The following IL4I1 variants were observed in gnomAD, a reference collection of about 807,000 sequenced individuals.
IL4I1 encodes the protein L-amino-acid oxidase.
Under a neutral mutation model 29.7 loss-of-function variants are expected in IL4I1, and 24 were observed. That is an observed-to-expected ratio of 0.81 (90% CI 0.59 to 1.14). The LOEUF (loss-of-function observed/expected upper bound fraction) is 1.14. Ranked by LOEUF, IL4I1 falls within the 50% of genes most tolerant of loss-of-function variation. IL4I1 has a pLI of 0.00. For missense variants in IL4I1, 686 were observed against 785.6 expected (o/e 0.87, Z 1.52); for synonymous variants, 371 against 352.5 (o/e 1.05, Z -0.59).
intron 2 of IL4I1, among the ~76,000 whole-genome samples, chr19:49,915,594 C>T (rs930776042): frequency 3.3e-5 from 5 of 152,176 alleles, no homozygotes; most frequent in Non-Finnish European, 1.5e-5. Flanking sequence ...CCACTAGAAA[C>T]CAATGGCGGT....
intron 2 of IL4I1, chr19:49,911,459 C>T (rs898618333): frequency 3.3e-5 from 5 of 151,996 alleles, no homozygotes; most frequent in African/African-American, 1.2e-4. Context: ...TTTCCTCTTC[C>T]CTCTCTCCAG....
chr19:49,889,793 C>T lies in IL4I1; in HGVS notation c.1581G>A (p.Gln527=), dbSNP rs769680466. 6.5e-6 allele frequency: 10 copies of T among 1,541,282 alleles called. No individual in the cohort carries two copies. Among genetic ancestry groups the T allele is most frequent in the South Asian group, 6.2e-5 (5 of 80,376 alleles). Residue 527 remains glutamine (Q), a synonymous_variant, in exon 8 of 8, where the codon CAG becomes CAA. Coordinates refer to ENST00000391826, the MANE Select transcript of IL4I1 (RefSeq NM_152899.2). ...TGCTGGCCACCCCATGCACATGCCCCTGCCCCTCCATGTCAGATGCGTGCC... is the reference window on the plus strand; with the variant it reads ...TGCTGGCCACCCCATGCACATGCCCTTGCCCCTCCATGTCAGATGCGTGCC... ...PEGHASDMEG[Q]GHVHGVASSP...
chr19:49,914,608 C>T (rs2075570248), intron 2 of IL4I1, among the ~76,000 whole-genome samples: 1 of 151,892 alleles, frequency 6.6e-6, no homozygotes, highest in Admixed American at 6.6e-5. Flanking sequence ...CATCTGAATT[C>T]AGGTGGGCAT....
At chr19:49,894,243 G>T (rs570022421) in intron 5 of IL4I1, 25 bp downstream of exon 5, 1 of 1,604,170 alleles carries the variant, frequency 6.2e-7, no homozygotes, top group Admixed American at 1.7e-5. Context: ...AGTCAGGGCG[G>T]GAGGAGGGTG....
intron 2 of IL4I1, among the ~76,000 whole-genome samples, chr19:49,923,862 G>A (rs898632291): frequency 4.6e-5 from 7 of 152,204 alleles, no homozygotes; most frequent in African/African-American, 7.2e-5. Context: ...CCCACGCTGC[G>A]GAAGGCAGCC....
chr19:49,895,813 A>G lies in IL4I1; in HGVS notation c.252+2T>C, dbSNP rs1489292738. The G allele has an allele frequency of 3.1e-6, 5 of 1,598,978 alleles. No homozygotes were observed. In the African/African-American group the frequency reaches 6.7e-5, roughly 22 times the overall value. On this transcript the variant is annotated splice_donor_variant, in intron 3 of 7. Transcript: ENST00000391826. LOFTEE classifies it high-confidence loss of function. ...AGGTAGACTGCAAGCAGTGCTTCCC[A>G]CCTTGTGTCCAGCATCGCTGAGCAC...
intron 2 of IL4I1, chr19:49,908,916 C>G: frequency 6.2e-7 from 1 of 1,607,702 alleles, no homozygotes; most frequent in Non-Finnish European, 8.5e-7. Context: ...CCGGCTGGCG[C>G]CAGTGGTTTT....
At chr19:49,907,335 A>T (rs2075343961) in intron 2 of IL4I1, 2 of 316,912 alleles carry the variant, frequency 6.3e-6, no homozygotes, top group Non-Finnish European at 1.2e-5. Flanking sequence ...TGGGCCAGGC[A>T]AAAGGCAGGC....
At chr19:49,909,085 G>T (rs1193356009) in intron 2 of IL4I1, 3 of 1,612,494 alleles carry the variant, frequency 1.9e-6, no homozygotes, top group Non-Finnish European at 2.5e-6. Context: ...TGGTCACAGG[G>T]GTACAGAGGG....
Position 49,895,126 on chromosome 19 carries a change from C to T in IL4I1, c.307G>A (p.Asp103Asn). Reference protein sequence around the residue: ...RIGGRIFTYRDQNTGWIGELG... With the variant: ...RIGGRIFTYRNQNTGWIGELG... The stretch of plus-strand genomic sequence containing the variant: ...TCCCCAATCCAGCCCGTGTTCTGGT[C>T]CCGGTAGGTGAAGATGCGGCCCCCG... The change falls in exon 4 of 8, where the codon GAC becomes AAC. Residue 103 changes from aspartate (D) to asparagine (N), a missense_variant. By Grantham distance (23) the Asp-to-Asn change is conservative. Transcript: ENST00000391826. 1 of 1,613,852 alleles carries T rather than the reference C, an allele frequency of 6.2e-7. No individual in the cohort carries two copies. The highest frequency in any genetic ancestry group is 8.5e-7 in the Non-Finnish European group (1 of 1,179,856).
chr19:49,915,167 G>C (rs992331667), intron 2 of IL4I1, among the ~76,000 whole-genome samples: 8 of 152,102 alleles, frequency 5.3e-5, no homozygotes, highest in African/African-American at 1.9e-4. Flanking sequence ...TGGGGGGGTA[G>C]ACAGAAAAAC....
At chr19:49,893,449 T>TG (rs2075164387) in intron 5 of IL4I1, among the ~76,000 whole-genome samples, 1 of 150,844 alleles carries the variant, frequency 6.6e-6, no homozygotes, top group East Asian at 2.0e-4. Context: ...TGCGGGATGG[T>TG]GGGGCCATCG....
At chr19:49,912,738 C>T (rs1031260941) in intron 2 of IL4I1, among the ~76,000 whole-genome samples, 8 of 148,746 alleles carry the variant, frequency 5.4e-5, no homozygotes, top group African/African-American at 1.3e-4. Flanking sequence ...TGGTGGCAGG[C>T]GCCTGTAGTC....
chr19:49,896,813 C>G, intron 1 of IL4I1, 22 bp downstream of exon 1: 1 of 986,508 alleles, frequency 1.0e-6, no homozygotes, highest in Non-Finnish European at 1.2e-6. Flanking sequence ...CTCTGTCCCC[C>G]CACCACTGGC....
chr19:49,922,644 G>A (rs2075792573), intron 2 of IL4I1, among the ~76,000 whole-genome samples: 1 of 151,854 alleles, frequency 6.6e-6, no homozygotes, highest in Admixed American at 6.6e-5. Context: ...TGTCCACACT[G>A]GTGGTTTGCT....
At chr19:49,896,081 G>A (rs113736680) in intron 2 of IL4I1, 28 bp from the exon 3 acceptor site, 46 of 1,606,374 alleles carry the variant, frequency 2.9e-5, no homozygotes, top group African/African-American at 2.3e-4. Flanking sequence ...GGGTCAACGG[G>A]GTTGTGGCAG....
chr19:49,908,915 G>C, intron 2 of IL4I1: 1 of 1,607,594 alleles, frequency 6.2e-7, no homozygotes, highest in African/African-American at 1.3e-5. Flanking sequence ...CCCGGCTGGC[G>C]CCAGTGGTTT....
At chr19:49,910,522 C>T (rs774209233) in intron 2 of IL4I1, among the ~76,000 whole-genome samples, 1 of 152,176 alleles carries the variant, frequency 6.6e-6, no homozygotes, top group Non-Finnish European at 1.5e-5. Flanking sequence ...CAGTGATTGG[C>T]TCAAGGATAA....
intron 5 of IL4I1, among the ~76,000 whole-genome samples, chr19:49,893,477 G>A (rs1237698829): frequency 6.6e-6 from 1 of 152,022 alleles, no homozygotes; most frequent in African/African-American, 2.4e-5. Context: ...GGGGCACCGG[G>A]AGGAGGAACA....
Sources: gnomAD v4.1 joint callset for allele counts (sites outside exome capture counted in the v4.1 genomes callset) on GRCh38, gnomAD v4.1.1 for gene constraint, MANE v1.5 for transcripts, NCBI Gene and HGNC (gene_info 2026-07-23, HGNC 2026-07-21) for gene names.